The following ZC3H11A variants were observed in gnomAD, a reference collection of about 807,000 sequenced individuals.
The protein encoded by ZC3H11A is zinc finger CCCH domain-containing protein 11A.
In ZC3H11A, 22 loss-of-function variants were observed where a neutral mutation model predicts 90.8. That is an observed-to-expected ratio of 0.24 (90% confidence interval 0.17 to 0.35). The LOEUF is 0.35. Among genes scored for constraint, ZC3H11A ranks in the 10% least tolerant of loss-of-function variants. The pLI, the probability that ZC3H11A is intolerant of heterozygous loss-of-function variation, is 1.00. For synonymous variants in ZC3H11A, 294 were observed against 339.8 expected (o/e 0.87, Z 1.48); for missense variants, 701 against 964.9 (o/e 0.73, Z 3.62).
chr1:203,820,622 C>A (rs1037505632), intron 4 of ZC3H11A, among the ~76,000 whole-genome samples: 2 of 151,920 alleles, frequency 1.3e-5, no homozygotes, highest in African/African-American at 4.8e-5. Context: ...GGACAACGGG[C>A]ATGCCTCACC....
At position 203,828,676 on chromosome 1, in the gene ZC3H11A, C is replaced by T. The variant is rs1350468757; in HGVS notation, c.298+254C>T. Among the ~76,000 whole-genome samples the T allele has an allele frequency of 3.9e-5, 6 of 152,112 alleles. No individual in the cohort carries two copies. In the East Asian group the frequency reaches 7.7e-4, roughly 19 times the overall value. ...CTCATATTCTTATCAGACCCATAAACGTTTTCAAAATAAATTTGATTTTCT... is the reference window on the plus strand; with the variant it reads ...CTCATATTCTTATCAGACCCATAAATGTTTTCAAAATAAATTTGATTTTCT... On this transcript the variant is annotated intron_variant, in intron 5 of 17. Coordinates refer to ENST00000367210, the MANE Select transcript of ZC3H11A (RefSeq NM_001376342.1).
intron 14 of ZC3H11A, among the ~76,000 whole-genome samples, chr1:203,848,639 G>A (rs983054551): frequency 2.6e-5 from 4 of 152,160 alleles, no homozygotes; most frequent in Non-Finnish European, 5.9e-5. Flanking sequence ...TGTAATCCCA[G>A]CACTTTGGGA....
Position 203,802,773 on chromosome 1 carries a change from T to C in ZC3H11A, c.-389T>C, listed in dbSNP as rs1175058837. The C allele has an allele frequency of 6.6e-6, 1 of 152,118 alleles. No individual in the cohort carries two copies. Among genetic ancestry groups the C allele is most frequent in the Non-Finnish European group, 1.5e-5 (1 of 67,960 alleles). 9.4% of individuals were successfully genotyped at this position (152,118 alleles called of 1,614,324 possible). The stretch of plus-strand genomic sequence containing the variant: ...TTGTTTTTGAGGAGATAACTAACCC[T>C]AGCTGTCTCCAGTCTGACAAAGGTT... On this transcript the variant is annotated 5_prime_UTR_variant, in exon 2 of 18. Coordinates refer to ENST00000367210, the MANE Select transcript of ZC3H11A (RefSeq NM_001376342.1).
At chr1:203,811,074 G>T (rs1674319141) in intron 2 of ZC3H11A, among the ~76,000 whole-genome samples, 1 of 151,696 alleles carries the variant, frequency 6.6e-6, no homozygotes, top group Non-Finnish European at 1.5e-5. Context: ...CCAGAAGGTG[G>T]AGGTTGCAAT....
rs1689123483 is a variant in ZC3H11A, at chr1:203,851,027, C to G, written c.2107-30C>G. On this transcript the variant is annotated intron_variant, in intron 16 of 17. Transcript: ENST00000367210. ...TGCTCAAATTAAAAAGCCTGACTCT[C>G]ACTGAATTACCTGACTCTTCCTTTT... 4.3e-6 allele frequency: 7 copies of G among 1,610,784 alleles called. No homozygotes were observed. In the East Asian group the frequency reaches 1.6e-4, roughly 36 times the overall value.
chr1:203,813,790 G>T (rs1675307164), intron 2 of ZC3H11A, among the ~76,000 whole-genome samples: 1 of 151,996 alleles, frequency 6.6e-6, no homozygotes, highest in Non-Finnish European at 1.5e-5. Context: ...CATCACTCCA[G>T]CCACATGGTC....
chr1:203,821,064 C>G (rs529945791), intron 4 of ZC3H11A, among the ~76,000 whole-genome samples: 126 of 152,134 alleles, frequency 8.3e-4, no homozygotes, highest in Admixed American at 1.7e-3. Flanking sequence ...TATCGTAATC[C>G]CCATGTGTTA....
chr1:203,839,933 ATC>A (rs1348082381), intron 11 of ZC3H11A, among the ~76,000 whole-genome samples: 1 of 151,266 alleles, frequency 6.6e-6, no homozygotes, highest in Non-Finnish European at 1.5e-5. Context: ...CCTCCAGAGT[ATC>A]TGAGATTACA....
In ZC3H11A at chr1:203,852,705, T is replaced by C. The variant is rs1472255592; in HGVS notation, c.*306T>C. On this transcript the variant is annotated 3_prime_UTR_variant, in exon 18 of 18. Coordinates refer to ENST00000367210, the MANE Select transcript of ZC3H11A (RefSeq NM_001376342.1). ...TCAAGTGAAAGGGTGCAAGCGAACTTAGTGACTCCTTGAGGTGTTTGTCAG... is the reference window on the plus strand; with the variant it reads ...TCAAGTGAAAGGGTGCAAGCGAACTCAGTGACTCCTTGAGGTGTTTGTCAG... 2 of 384,800 alleles carry C rather than the reference T, an allele frequency of 5.2e-6. No homozygotes were observed. Among genetic ancestry groups the C allele is most frequent in the Non-Finnish European group, 9.5e-6 (2 of 210,328 alleles). The allele number at this position is 384,800 out of a possible 1,614,324, so 23.8% of individuals were successfully genotyped here.
In ZC3H11A at chr1:203,837,812, C is replaced by G. The variant is rs549096663; in HGVS notation, c.875-154C>G. Reference sequence around the variant, plus strand: ...TCTTTTCTCCGACATTTTTATGTTTCTAACATTGAACTCTAAGGAAGCTGG... The same window carrying G: ...TCTTTTCTCCGACATTTTTATGTTTGTAACATTGAACTCTAAGGAAGCTGG... On this transcript the variant is annotated intron_variant, in intron 10 of 17. Coordinates refer to ENST00000367210, the MANE Select transcript of ZC3H11A (RefSeq NM_001376342.1). 6.6e-5 allele frequency among the ~76,000 whole-genome samples: 10 copies of G among 152,290 alleles called. 1 individual carries two copies. In the South Asian group the frequency reaches 2.1e-3, roughly 32 times the overall value.
At chr1:203,817,416 C>T (rs1676723409) in intron 3 of ZC3H11A, among the ~76,000 whole-genome samples, 1 of 149,648 alleles carries the variant, frequency 6.7e-6, no homozygotes, top group African/African-American at 2.4e-5. Context: ...GGAAATGGGG[C>T]CACTTTGACC....
At chr1:203,829,171 A>T in intron 5 of ZC3H11A, 1 of 430,096 alleles carries the variant, frequency 2.3e-6, no homozygotes, top group Non-Finnish European at 4.2e-6. Context: ...TTAAAATTAA[A>T]GGTCTAGAAT....
At chr1:203,843,123 C>T (rs1373664310) in intron 12 of ZC3H11A, among the ~76,000 whole-genome samples, 1 of 152,048 alleles carries the variant, frequency 6.6e-6, no homozygotes, top group Non-Finnish European at 1.5e-5. Context: ...TGTATGCAAC[C>T]TGAATTATTC....
intron 2 of ZC3H11A, among the ~76,000 whole-genome samples, chr1:203,809,836 T>C (rs1673722445): frequency 6.6e-6 from 1 of 151,950 alleles, no homozygotes; most frequent in Admixed American, 6.6e-5. Context: ...CGCCTGTAAT[T>C]CCAGCTACTC....
intron 2 of ZC3H11A, among the ~76,000 whole-genome samples, chr1:203,810,164 G>A (rs1416326610): frequency 6.7e-6 from 1 of 150,168 alleles, no homozygotes; most frequent in Non-Finnish European, 1.5e-5. Flanking sequence ...TTTTTTAAGA[G>A]ATGAGGTCTG....
intron 10 of ZC3H11A, 74 bp downstream of exon 10, chr1:203,833,927 T>C (rs1683349795): frequency 2.0e-6 from 3 of 1,529,244 alleles, no homozygotes; most frequent in East Asian, 2.3e-5. Context: ...TCCAAACTCT[T>C]TTTATACAGA....
At chr1:203,823,666 CT>C (rs907923630) in intron 4 of ZC3H11A, among the ~76,000 whole-genome samples, 2 of 152,206 alleles carry the variant, frequency 1.3e-5, no homozygotes, top group African/African-American at 4.8e-5. Flanking sequence ...TATGCTAACT[CT>C]TTTCTGCACT....
chr1:203,816,481 T>A (rs11240558), intron 2 of ZC3H11A, among the ~76,000 whole-genome samples: 12,022 of 151,856 alleles, frequency 0.079, 1,266 homozygotes, highest in East Asian at 0.4. Flanking sequence ...TTTAAAAAAT[T>A]AGCTGGGTAT....
chr1:203,845,586 C>T (rs1687666593), intron 12 of ZC3H11A, among the ~76,000 whole-genome samples: 1 of 152,220 alleles, frequency 6.6e-6, no homozygotes, highest in South Asian at 2.1e-4. Flanking sequence ...CTAACCAGGC[C>T]TGGCGTGGTG....
Sources: gnomAD v4.1 joint callset for allele counts (sites outside exome capture counted in the v4.1 genomes callset) on GRCh38, gnomAD v4.1.1 for gene constraint, MANE v1.5 for transcripts, NCBI Gene and HGNC (gene_info 2026-07-23, HGNC 2026-07-21) for gene names.